The following PLB1 variants were observed in gnomAD, a reference collection of about 807,000 sequenced individuals.
PLB1 encodes the protein phospholipase B1, also known as phospholipase B1, membrane-associated.
A neutral mutation model predicts 227.4 loss-of-function variants in PLB1; 242 were observed. The observed-to-expected ratio is 1.06, with a 90% CI of 0.96 to 1.18. The LOEUF is 1.18. PLB1 is among the 50% of genes most tolerant of loss of function. The pLI is 0.00. For synonymous variants in PLB1, 757 were observed against 682.2 expected (o/e 1.11, Z -1.71); for missense variants, 1,858 against 1,816.3 (o/e 1.02, Z -0.42).
chr2:28,565,813 G>C (rs1225658098), intron 19 of PLB1, among the ~76,000 whole-genome samples: 1 of 152,216 alleles, frequency 6.6e-6, no homozygotes, highest in African/African-American at 2.4e-5. Flanking sequence ...AGCACTGTCT[G>C]AGGGCTAGAA....
Position 28,531,196 on chromosome 2 carries a change from G to T in PLB1, c.469-912G>T, listed in dbSNP as rs79590351. 3.8e-3 allele frequency among the ~76,000 whole-genome samples: 583 copies of T among 152,198 alleles called. 5 individuals carry two copies. Among genetic ancestry groups the T allele is most frequent in the African/African-American group, 0.014 (563 of 41,524 alleles). ...TCCTAATAACCCAAAGATAATTATG[G>T]TTAATAACTTGGTGTACATTACCTT... On this transcript the variant is annotated intron_variant, in intron 8 of 57. Transcript: ENST00000327757.
chr2:28,497,436 CT>C (rs566332064), intron 1 of PLB1, among the ~76,000 whole-genome samples: 160 of 152,332 alleles, frequency 1.1e-3, no homozygotes, highest in Admixed American at 2.0e-3. Context: ...AAAGGGAAAT[CT>C]TCAGATCTGC....
chr2:28,588,920 C>A (rs1681367747), intron 26 of PLB1, among the ~76,000 whole-genome samples: 1 of 152,086 alleles, frequency 6.6e-6, no homozygotes. Flanking sequence ...AATCCCAGCA[C>A]TTTGGGAGGC....
At chr2:28,638,765 C>T (rs1689650841) in intron 56 of PLB1, among the ~76,000 whole-genome samples, 1 of 145,878 alleles carries the variant, frequency 6.9e-6, no homozygotes, top group Admixed American at 6.9e-5. Context: ...TTCCAGACAT[C>T]CACATAGAGG....
intron 4 of PLB1, 66 bp from the exon 5 acceptor site, chr2:28,525,201 C>A: frequency 1.4e-6 from 2 of 1,473,304 alleles, no homozygotes; most frequent in Non-Finnish European, 9.4e-7. Context: ...AGGCAGCTTG[C>A]GGTCTAACTA....
At chr2:28,613,996 C>CA in intron 43 of PLB1, 35 bp from the exon 44 acceptor site, 1 of 1,560,568 alleles carries the variant, frequency 6.4e-7, no homozygotes, top group Non-Finnish European at 8.8e-7. Context: ...TCAGTGCTGT[C>CA]AGATAACTTC....
chr2:28,621,553 C>T (rs536709184), intron 49 of PLB1, among the ~76,000 whole-genome samples: 3 of 152,218 alleles, frequency 2.0e-5, no homozygotes, highest in Non-Finnish European at 4.4e-5. Flanking sequence ...TTGACAACAA[C>T]TCAGATAATT....
intron 56 of PLB1, among the ~76,000 whole-genome samples, chr2:28,639,247 A>G (rs920136465): frequency 2.0e-5 from 3 of 152,156 alleles, no homozygotes; most frequent in Non-Finnish European, 4.4e-5. Flanking sequence ...TGCTGTGTCC[A>G]GAGAGCTAAG....
At chr2:28,529,064 C>T (rs1056543631) in intron 6 of PLB1, among the ~76,000 whole-genome samples, 2 of 151,668 alleles carry the variant, frequency 1.3e-5, no homozygotes, top group African/African-American at 4.9e-5. Context: ...CCTCCTGCCT[C>T]AGCCACCTAA....
At chr2:28,541,904 GGGT>G in intron 13 of PLB1, 93 bp downstream of exon 13, 1 of 1,004,758 alleles carries the variant, frequency 1.0e-6, no homozygotes, top group Non-Finnish European at 1.5e-6. Flanking sequence ...AGGCCGAGGT[GGGT>G]GGATTACTTG....
intron 56 of PLB1, among the ~76,000 whole-genome samples, chr2:28,636,141 C>T (rs946857974): frequency 2.6e-5 from 4 of 152,324 alleles, no homozygotes; most frequent in Admixed American, 2.0e-4. Context: ...TCACTGCAAC[C>T]TCCGTCTCCT....
At chr2:28,595,212 A>G (rs1202998634) in intron 33 of PLB1, 3 of 152,206 alleles carry the variant, frequency 2.0e-5, no homozygotes, top group Non-Finnish European at 4.4e-5. Context: ...AGTGAAGTCC[A>G]TTACAGCCTA....
chr2:28,627,078 G>A (rs566201924), intron 51 of PLB1, among the ~76,000 whole-genome samples: 5 of 152,236 alleles, frequency 3.3e-5, no homozygotes, highest in South Asian at 4.2e-4. Flanking sequence ...TTATTTGGCC[G>A]GGAAAAGGCA....
chr2:28,518,621 C>A, intron 3 of PLB1, 89 bp downstream of exon 3: 2 of 934,344 alleles, frequency 2.1e-6, no homozygotes, highest in South Asian at 1.4e-5. Context: ...CTTCTTGGAC[C>A]TGTTGCCCCT....
intron 17 of PLB1, among the ~76,000 whole-genome samples, chr2:28,559,362 G>A (rs892630338): frequency 2.0e-5 from 3 of 152,232 alleles, no homozygotes; most frequent in Non-Finnish European, 2.9e-5. Flanking sequence ...AGGTGATTCC[G>A]ATGCAGGCTC....
chr2:28,527,385 T>A (rs1049512989), intron 6 of PLB1, among the ~76,000 whole-genome samples: 1 of 152,072 alleles, frequency 6.6e-6, no homozygotes, highest in African/African-American at 2.4e-5. Context: ...AGCTGCAAGC[T>A]CAGCTGGGTG....
intron 56 of PLB1, among the ~76,000 whole-genome samples, chr2:28,638,826 T>TG (rs1553468738): frequency 7.4e-5 from 7 of 94,624 alleles, no homozygotes; most frequent in Admixed American, 1.2e-4. Flanking sequence ...GGCTGGAGAT[T>TG]GAAAAAAAAA....
chr2:28,515,425 C>T (rs1047791058), intron 1 of PLB1, among the ~76,000 whole-genome samples: 7 of 152,168 alleles, frequency 4.6e-5, no homozygotes, highest in Admixed American at 1.3e-4. Flanking sequence ...TTGTGCTTGT[C>T]CACACTTCTA....
intron 45 of PLB1, 102 bp downstream of exon 45, chr2:28,617,889 C>T: frequency 1.7e-6 from 2 of 1,202,004 alleles, no homozygotes; most frequent in Non-Finnish European, 2.5e-6. Flanking sequence ...GCAGGACTTG[C>T]TAATTCCCCT....
Sources: allele counts gnomAD v4.1 joint callset (sites outside exome capture counted in the v4.1 genomes callset), GRCh38; gene constraint gnomAD v4.1.1; transcripts MANE v1.5; gene names NCBI Gene and HGNC (gene_info 2026-07-23, HGNC 2026-07-21).